Variants in DMXL2 observed in about 807,000 individuals in gnomAD.
DMXL2 encodes Dmx like 2, also known as dmX-like protein 2.
Under a neutral mutation model 331.1 loss-of-function variants are expected in DMXL2, and 103 were observed. The ratio of observed to expected loss-of-function variants is 0.31; its 90% CI spans 0.27 to 0.37. The LOEUF is 0.37. DMXL2 is among the 10% of genes least tolerant of loss of function. DMXL2 has a pLI of 1.00. For synonymous variants in DMXL2, 1,281 were observed against 1,252.1 expected (o/e 1.02, Z -0.49); for missense variants, 3,171 against 3,642.9 (o/e 0.87, Z 3.33).
At position 51,499,872 on chromosome 15, in the gene DMXL2, C is replaced by T. The variant is rs1158170002; in HGVS notation, c.3352G>A (p.Val1118Ile). Residue 1118 changes from valine (V) to isoleucine (I), a missense_variant, in exon 18 of 44, where the codon GTT becomes ATT. Val to Ile is a conservative substitution (Grantham distance 29, BLOSUM62 3). This residue lies in a region of DMXL2 where 1,674 missense variants were observed against 1,780.2 expected (regional missense o/e 0.94). Coordinates refer to ENST00000560891, the MANE Select transcript of DMXL2 (RefSeq NM_001378457.1). ...TCAAGATGAATTGTTTGTTCTAAAA[C>T]CCACTCTGATCCTCCTGTAGATTCA... is the stretch of plus-strand genomic sequence containing the variant. ...ECESTGGSEW[V>I]LEQTIHLDDL... 2 of 1,614,002 alleles carry T rather than the reference C, an allele frequency of 1.2e-6. No homozygotes were observed. The highest frequency in any genetic ancestry group is 2.7e-5 in the African/African-American group (2 of 74,914).
At position 51,499,612 on chromosome 15, in the gene DMXL2, T is replaced by C. The variant is rs1459320962; in HGVS notation, c.3612A>G (p.Gln1204=). The change falls in exon 18 of 44, where the codon CAA becomes CAG. Residue 1204 remains glutamine, a synonymous_variant. Transcript: ENST00000560891. The stretch of plus-strand genomic sequence containing the variant: ...CAGCTACTCCATCCTTACTGTTGGT[T>C]TGCTCAGTCACAATTCCTGAAAGCC... ...YGRLSGIVTE[Q]TNSKDGVAVI... 6.2e-7 allele frequency: 1 copy of C among 1,614,124 alleles called. No individual in the cohort carries two copies. The highest frequency in any genetic ancestry group is 1.1e-5 in the South Asian group (1 of 91,078).
chr15:51,483,089 A>G (rs999304771), intron 23 of DMXL2, among the ~76,000 whole-genome samples: 1 of 152,178 alleles, frequency 6.6e-6, no homozygotes, highest in Non-Finnish European at 1.5e-5. Context: ...ATCAGCCCTC[A>G]TGGCCACCAC....
At chr15:51,457,700 C>T (rs1312734675) in intron 36 of DMXL2, 1 of 403,688 alleles carries the variant, frequency 2.5e-6, no homozygotes, top group African/African-American at 2.0e-5. Flanking sequence ...TATTGCTGCA[C>T]AAGTTGAAAC....
intron 31 of DMXL2, among the ~76,000 whole-genome samples, chr15:51,465,233 CA>C (rs377655297): frequency 6.6e-6 from 1 of 152,138 alleles, no homozygotes; most frequent in East Asian, 1.9e-4. Context: ...TTGTCTCTTA[CA>C]AAAAATACAA....
At chr15:51,609,887 G>A (rs186766991) in intron 1 of DMXL2, among the ~76,000 whole-genome samples, 112 of 151,098 alleles carry the variant, frequency 7.4e-4, no homozygotes, top group African/African-American at 2.6e-3. Context: ...CAGAGATTGC[G>A]CCATTGCACT....
chr15:51,536,116 A>C, intron 12 of DMXL2, 50 bp downstream of exon 12: 1 of 1,423,834 alleles, frequency 7.0e-7, no homozygotes, highest in Non-Finnish European at 9.5e-7. Flanking sequence ...TATATAACAA[A>C]TAATAGTTTA....
intron 18 of DMXL2, among the ~76,000 whole-genome samples, chr15:51,498,303 A>G (rs964049847): frequency 8.5e-5 from 13 of 152,242 alleles, no homozygotes; most frequent in Non-Finnish European, 8.8e-5. Flanking sequence ...ATCCAAAATG[A>G]CACAAAGGTT....
intron 41 of DMXL2, 21 bp from the exon 42 acceptor site, chr15:51,451,718 C>T: frequency 1.3e-6 from 2 of 1,593,010 alleles, no homozygotes; most frequent in East Asian, 2.2e-5. Context: ...AACACAATAA[C>T]AAAAATACAT....
Position 51,485,034 on chromosome 15 carries a change from CAAAAA to C in DMXL2, c.5482+1034_5482+1038del, listed in dbSNP as rs35332731. Among the ~76,000 whole-genome samples the C allele has an allele frequency of 6.5e-3, 647 of 99,786 alleles. 7 individuals are homozygous for C. The highest frequency in any genetic ancestry group is 0.024 in the African/African-American group (622 of 25,402). 65.5% of individuals were successfully genotyped at this position (99,786 alleles called of 152,430 possible). On this transcript the variant is annotated intron_variant, in intron 23 of 43. Transcript: ENST00000560891. ...GTCTTTTGAAATAACTCAGGCAAAC[CAAAAA>C]AAAAAAAAAAAAGGAAGAAGGAGGA...
intron 2 of DMXL2, among the ~76,000 whole-genome samples, chr15:51,571,324 C>T (rs979522532): frequency 2.0e-5 from 3 of 152,176 alleles, no homozygotes; most frequent in African/African-American, 7.2e-5. Flanking sequence ...TAGACTCCCA[C>T]ACAGTAATAG....
chr15:51,568,924 G>C (rs1052838119), intron 2 of DMXL2, among the ~76,000 whole-genome samples: 1 of 152,144 alleles, frequency 6.6e-6, no homozygotes, highest in Admixed American at 6.6e-5. Flanking sequence ...ATCTCACTGG[G>C]ACTGGCTGGA....
chr15:51,565,751 T>C lies in DMXL2; in HGVS notation c.286-585A>G, dbSNP rs145425885. Among the ~76,000 whole-genome samples the C allele has an allele frequency of 3.3e-3, 501 of 152,342 alleles. 4 individuals are homozygous for C. Among genetic ancestry groups the C allele is most frequent in the African/African-American group, 0.011 (469 of 41,584 alleles). Reference sequence around the variant, plus strand: ...TTCTTTGTAGTACATAAATATAAAATGTCCTTTTGTGAGAGGACATTTGTG... The same window carrying C: ...TTCTTTGTAGTACATAAATATAAAACGTCCTTTTGTGAGAGGACATTTGTG... On this transcript the variant is annotated intron_variant, in intron 3 of 43. Transcript: ENST00000560891.
chr15:51,460,446 G>A, intron 33 of DMXL2: 2 of 816,900 alleles, frequency 2.4e-6, no homozygotes, highest in African/African-American at 1.9e-5. Context: ...CTCAGTGAAG[G>A]CCAAACTGCT....
At chr15:51,537,790 G>A (rs1671128436) in intron 10 of DMXL2, 31 bp from the exon 11 acceptor site, 3 of 1,584,888 alleles carry the variant, frequency 1.9e-6, no homozygotes, top group African/African-American at 1.4e-5. Flanking sequence ...ATCAATACAA[G>A]CATTAAATAA....
intron 13 of DMXL2, among the ~76,000 whole-genome samples, chr15:51,521,821 T>C (rs2047398033): frequency 6.6e-6 from 1 of 152,222 alleles, no homozygotes; most frequent in Non-Finnish European, 1.5e-5. Flanking sequence ...TGGTACAATA[T>C]GCACATTTAT....
intron 18 of DMXL2, among the ~76,000 whole-genome samples, chr15:51,495,407 G>C (rs2043104112): frequency 6.6e-6 from 1 of 152,094 alleles, no homozygotes; most frequent in South Asian, 2.1e-4. Flanking sequence ...CATAATAAAT[G>C]AAAGACATCT....
In DMXL2 at chr15:51,547,241, C is replaced by T. The variant is rs755641444; in HGVS notation, c.735G>A (p.Lys245=). 6.2e-7 allele frequency: 1 copy of T among 1,608,800 alleles called. No individual in the cohort carries two copies. Among genetic ancestry groups the T allele is most frequent in the Non-Finnish European group, 8.5e-7 (1 of 1,177,942 alleles). ...VTGFSWRKTS[K]YMPRGSVCNV... ...TTCATTCATCTAACCTGGGCATATA[C>T]TTGCTAGTTTTGCGCCACGAAAAAC... Residue 245 remains lysine (K), a synonymous_variant, in exon 7 of 44, where the codon AAG becomes AAA. Coordinates refer to ENST00000560891, the MANE Select transcript of DMXL2 (RefSeq NM_001378457.1).
Position 51,457,455 on chromosome 15 carries a change from A to T in DMXL2, c.8210T>A (p.Val2737Asp). 1 of 1,614,172 alleles carries T rather than the reference A, an allele frequency of 6.2e-7. No individual in the cohort carries two copies. The highest frequency in any genetic ancestry group is 1.1e-5 in the South Asian group (1 of 91,066). ...AGTTGTAGTGGAACCACGATAATCA[A>T]CATCATCTGAACTGTGAAAAACATT... is the stretch of plus-strand genomic sequence containing the variant. Reference protein sequence around the residue: ...YDRESKSSDDVDYRGSTTTLY... With the variant: ...YDRESKSSDDDDYRGSTTTLY... Residue 2737 changes from valine to aspartate, a missense_variant, in exon 37 of 44, where the codon GTT becomes GAT. Physicochemically the swap from Val to Asp is radical, Grantham distance 152. Transcript: ENST00000560891.
At position 51,499,568 on chromosome 15, in the gene DMXL2, C is replaced by A. The variant is rs1567033345; in HGVS notation, c.3656G>T (p.Gly1219Val). 6 of 1,614,014 alleles carry A rather than the reference C, an allele frequency of 3.7e-6. No homozygotes were observed. The highest frequency in any genetic ancestry group is 5.1e-6 in the Non-Finnish European group (6 of 1,180,022). Reference sequence around the variant, plus strand: ...CTTAACTCCTTGCTTGATACTACCACCTAGTGGTAAAGTGATGACAGCTAC... The same window carrying A: ...CTTAACTCCTTGCTTGATACTACCAACTAGTGGTAAAGTGATGACAGCTAC... ...DGVAVITLPL[G>V]GSIKQGVKSR... Residue 1219 changes from glycine to valine, a missense_variant, in exon 18 of 44, where the codon GGT becomes GTT. Gly to Val is a moderately radical substitution (Grantham distance 109). Around this residue, in one of 7 missense-constraint regions of DMXL2, gnomAD observed 1,674 missense variants for 1,780.2 expected, o/e 0.94. Transcript: ENST00000560891.
Sources: allele counts gnomAD v4.1 joint callset (sites outside exome capture counted in the v4.1 genomes callset), GRCh38; gene constraint gnomAD v4.1.1; regional missense constraint gnomAD v4.1.1; transcripts MANE v1.5; gene names NCBI Gene and HGNC (gene_info 2026-07-23, HGNC 2026-07-21).